Variants in TMEM150C observed in about 807,000 individuals in gnomAD.
TMEM150C encodes the protein transmembrane protein 150C.
Under a neutral mutation model 29.9 loss-of-function variants are expected in TMEM150C, and 10 were observed. The observed-to-expected ratio is 0.33, with a 90% CI of 0.21 to 0.57. The LOEUF (loss-of-function observed/expected upper bound fraction) is 0.57, where lower values mean the gene tolerates loss of function less well. Ranked by LOEUF, TMEM150C falls within the 20% of genes least tolerant of loss-of-function variation. TMEM150C has a pLI of 0.88. For synonymous variants in TMEM150C, 101 were observed against 112.5 expected, an observed-to-expected ratio of 0.90 and a Z score of 0.64; for missense variants, 251 against 303.6, an observed-to-expected ratio of 0.83 and a Z score of 1.29.
At chr4:82,544,446 G>T (rs1725290854) in intron 1 of TMEM150C, among the ~76,000 whole-genome samples, 1 of 152,186 alleles carries the variant, frequency 6.6e-6, no homozygotes, top group East Asian at 1.9e-4. Context: ...CTGCCCACCT[G>T]ACCCAGCATA....
At chr4:82,560,691 C>T (rs1290842432) in intron 1 of TMEM150C, among the ~76,000 whole-genome samples, 2 of 152,164 alleles carry the variant, frequency 1.3e-5, no homozygotes, top group Non-Finnish European at 2.9e-5. Context: ...ATGACTGCTA[C>T]CATGGAGTTT....
chr4:82,504,563 T>C lies in TMEM150C; in HGVS notation c.80+15A>G, dbSNP rs532910149. The C allele has an allele frequency of 6.2e-7, 1 of 1,603,774 alleles. No individual in the cohort carries two copies. The highest frequency in any genetic ancestry group is 1.1e-5 in the South Asian group (1 of 90,332). ...GCACCTGAATCCTTAAATAATTAAA[T>C]GAGCAAATACTCACACTATCCACAA... On this transcript the variant is annotated intron_variant, in intron 2 of 7. Transcript: ENST00000449862.
rs869112887 is a variant in TMEM150C, at chr4:82,507,727, C to CTTTTTTTTTT, written c.-10-3070_-10-3061dup. The stretch of plus-strand genomic sequence containing the variant: ...TTAAATTAACTCTCTCTCTCTCTCT[C>CTTTTTTTTTT]TTTTTTTTTTTTTTTTTTTTTTTTT... On this transcript the variant is annotated intron_variant, in intron 1 of 7. Transcript: ENST00000449862. Among the ~76,000 whole-genome samples the CTTTTTTTTTT allele has an allele frequency of 1.4e-3, 28 of 20,592 alleles. 4 individuals are homozygous for CTTTTTTTTTT. The highest frequency in any genetic ancestry group is 2.2e-3 in the East Asian group (1 of 458). The allele number at this position is 20,592 out of a possible 152,430, so 13.5% of individuals were successfully genotyped here.
At chr4:82,537,827 G>C (rs1725060554) in intron 1 of TMEM150C, among the ~76,000 whole-genome samples, 1 of 152,184 alleles carries the variant, frequency 6.6e-6, no homozygotes, top group Non-Finnish European at 1.5e-5. Context: ...CCAGAAGCTG[G>C]AAGAGGTGAG....
chr4:82,485,939 T>C (rs549314021), intron 7 of TMEM150C, among the ~76,000 whole-genome samples: 1 of 152,358 alleles, frequency 6.6e-6, no homozygotes, highest in Admixed American at 6.5e-5. Flanking sequence ...CTTTCATGGA[T>C]AGTATCACTT....
intron 1 of TMEM150C, among the ~76,000 whole-genome samples, chr4:82,561,307 A>C (rs1027899527): frequency 6.6e-6 from 1 of 152,158 alleles, no homozygotes; most frequent in East Asian, 1.9e-4. Context: ...TTTCTTCCCA[A>C]GTGTGCGCCC....
chr4:82,532,567 G>A (rs764306418), intron 1 of TMEM150C, among the ~76,000 whole-genome samples: 1 of 152,006 alleles, frequency 6.6e-6, no homozygotes, highest in African/African-American at 2.4e-5. Context: ...GCGTTATAAA[G>A]TATCTATAAT....
chr4:82,556,212 G>A (rs766690937), intron 1 of TMEM150C, among the ~76,000 whole-genome samples: 6 of 151,956 alleles, frequency 3.9e-5, no homozygotes, highest in Non-Finnish European at 7.4e-5. Flanking sequence ...TCCTGACCTC[G>A]AGTGATCCAC....
chr4:82,529,314 A>G (rs1028188127), intron 1 of TMEM150C, among the ~76,000 whole-genome samples: 1 of 141,198 alleles, frequency 7.1e-6, no homozygotes, highest in Non-Finnish European at 1.5e-5. Flanking sequence ...TTTGAGACAG[A>G]GTCTTGCTCT....
intron 5 of TMEM150C, among the ~76,000 whole-genome samples, chr4:82,497,873 C>T (rs1209133486): frequency 6.6e-6 from 1 of 152,142 alleles, no homozygotes; most frequent in African/African-American, 2.4e-5. Context: ...ATTCAACACA[C>T]AGCACTCCAT....
intron 1 of TMEM150C, among the ~76,000 whole-genome samples, chr4:82,530,588 T>A (rs1202634540): frequency 6.6e-6 from 1 of 151,928 alleles, no homozygotes; most frequent in Non-Finnish European, 1.5e-5. Context: ...AAAAACCACA[T>A]CCTGTTCCAC....
intron 1 of TMEM150C, among the ~76,000 whole-genome samples, chr4:82,559,629 T>G (rs1725853596): frequency 6.6e-6 from 1 of 152,146 alleles, no homozygotes; most frequent in South Asian, 2.1e-4. Context: ...TTCATGAACT[T>G]AGACCTGGAT....
chr4:82,504,817 T>G (rs994188585), intron 1 of TMEM150C, 150 bp from the exon 2 acceptor site: 3 of 558,696 alleles, frequency 5.4e-6, no homozygotes, highest in Non-Finnish European at 3.3e-6. Flanking sequence ...GATCACGAGG[T>G]CAGGAGATCG....
chr4:82,560,884 A>C (rs1027282552), intron 1 of TMEM150C, among the ~76,000 whole-genome samples: 2 of 152,204 alleles, frequency 1.3e-5, no homozygotes, highest in African/African-American at 4.8e-5. Context: ...TGGCATTGGT[A>C]TATCTGGTTC....
chr4:82,562,091 C>T, upstream of TMEM150C: 1 of 1,205,232 alleles, frequency 8.3e-7, no homozygotes, highest in Non-Finnish European at 1.1e-6. Context: ...GTCCCCGCTG[C>T]TAGGCCTTCG....
At chr4:82,532,862 A>G (rs1724891337) in intron 1 of TMEM150C, among the ~76,000 whole-genome samples, 2 of 151,732 alleles carry the variant, frequency 1.3e-5, no homozygotes, top group African/African-American at 4.8e-5. Flanking sequence ...CCGAGTAGCT[A>G]GGACTACAGG....
chr4:82,559,661 A>G (rs1725854859), intron 1 of TMEM150C, among the ~76,000 whole-genome samples: 1 of 152,174 alleles, frequency 6.6e-6, no homozygotes, highest in Admixed American at 6.5e-5. Flanking sequence ...TGGACCCTAT[A>G]ATGTTTTGGG....
chr4:82,527,228 G>A (rs563433998), intron 1 of TMEM150C, among the ~76,000 whole-genome samples: 3 of 152,074 alleles, frequency 2.0e-5, no homozygotes, highest in East Asian at 3.9e-4. Context: ...ATTTTCACAC[G>A]TAATTTGGAG....
At chr4:82,538,810 C>T (rs1725098735) in intron 1 of TMEM150C, among the ~76,000 whole-genome samples, 2 of 152,172 alleles carry the variant, frequency 1.3e-5, no homozygotes, top group Non-Finnish European at 2.9e-5. Context: ...CCTGCAATCC[C>T]AGCACTTTGG....
Sources: gnomAD v4.1 joint callset for allele counts (sites outside exome capture counted in the v4.1 genomes callset) on GRCh38, gnomAD v4.1.1 for gene constraint, MANE v1.5 for transcripts, NCBI Gene and HGNC (gene_info 2026-07-23, HGNC 2026-07-21) for gene names.